Variants in PPP2R5A observed in about 807,000 individuals in gnomAD.
PPP2R5A encodes the protein protein phosphatase 2 regulatory subunit B'alpha.
PPP2R5A carries 25 observed loss-of-function variants against 64.2 expected under a neutral mutation model. The observed-to-expected ratio is 0.39, with a 90% confidence interval of 0.28 to 0.54. The LOEUF (loss-of-function observed/expected upper bound fraction) is 0.54, where lower values mean the gene tolerates loss of function less well. Among genes scored for constraint, PPP2R5A ranks in the 20% least tolerant of loss-of-function variants. The probability of loss-of-function intolerance (pLI) is 0.67; values close to 1 mark genes in which losing one functional copy is unlikely to be tolerated. For missense variants in PPP2R5A, 425 were observed against 576.3 expected (o/e 0.74, Z 2.69); for synonymous variants, 198 against 201.2 (o/e 0.98, Z 0.13).
chr1:212,285,478 A>C lies in PPP2R5A; in HGVS notation c.-633A>C, dbSNP rs2102407105. 2 of 152,702 alleles carry C rather than the reference A, an allele frequency of 1.3e-5. No homozygotes were observed. Among genetic ancestry groups the C allele is most frequent in the Middle Eastern group, 3.4e-3 (1 of 296 alleles). 9.5% of individuals were successfully genotyped at this position (152,702 alleles called of 1,614,324 possible). A position where few individuals can be genotyped will look rare whatever the true frequency, so the allele number is the denominator to read the frequency against. ...GCCTGGGGTTCTCCGTGGGCGGCCGACGGGCGCGTGGGGGAGGGGGTTCGG... is the reference window on the plus strand; with the variant it reads ...GCCTGGGGTTCTCCGTGGGCGGCCGCCGGGCGCGTGGGGGAGGGGGTTCGG... On this transcript the variant is annotated 5_prime_UTR_variant, in exon 1 of 13. Transcript: ENST00000261461.
intron 3 of PPP2R5A, among the ~76,000 whole-genome samples, chr1:212,337,873 G>A (rs1393318028): frequency 6.6e-6 from 1 of 151,812 alleles, no homozygotes; most frequent in African/African-American, 2.4e-5. Flanking sequence ...GTTCTTTTTG[G>A]GTGCTTAATA....
intron 1 of PPP2R5A, among the ~76,000 whole-genome samples, chr1:212,322,256 AGAGGGAGAG>A (rs1284005922): frequency 3.0e-5 from 3 of 100,082 alleles, no homozygotes; most frequent in African/African-American, 1.5e-4. Context: ...AGGGAGAGGG[AGAGGGAGAG>A]GAGGGAGAGG....
chr1:212,358,948 C>G lies in PPP2R5A; in HGVS notation c.1328+161C>G, dbSNP rs966883945. Among the ~76,000 whole-genome samples, 31 of 152,114 alleles carry G rather than the reference C, an allele frequency of 2.0e-4. No individual in the cohort carries two copies. Among genetic ancestry groups the G allele is most frequent in the Non-Finnish European group, 2.9e-5 (2 of 68,014 alleles). On this transcript the variant is annotated intron_variant, in intron 12 of 12. Transcript: ENST00000261461. The stretch of plus-strand genomic sequence containing the variant: ...TGTGAAAGTCTCTTAACATATAAGT[C>G]ATTTCCAGATAAACTAGCCCCAGTA...
chr1:212,319,038 C>CA (rs1659210760), intron 1 of PPP2R5A, among the ~76,000 whole-genome samples: 1 of 152,154 alleles, frequency 6.6e-6, no homozygotes, highest in South Asian at 2.1e-4. Flanking sequence ...CTTAAATACT[C>CA]ATCTCTTATT....
At chr1:212,320,090 C>G (rs532714797) in intron 1 of PPP2R5A, among the ~76,000 whole-genome samples, 2 of 151,390 alleles carry the variant, frequency 1.3e-5, no homozygotes, top group African/African-American at 4.9e-5. Context: ...GAGGACCCTG[C>G]GGCCTTCCGC....
intron 1 of PPP2R5A, among the ~76,000 whole-genome samples, chr1:212,326,460 G>T (rs1659409408): frequency 6.6e-6 from 1 of 152,002 alleles, no homozygotes; most frequent in Non-Finnish European, 1.5e-5. Flanking sequence ...AGCTGGGCGT[G>T]GTGGTGCAGG....
At chr1:212,335,809 A>T (rs1021144393) in intron 3 of PPP2R5A, among the ~76,000 whole-genome samples, 1 of 152,372 alleles carries the variant, frequency 6.6e-6, no homozygotes, top group South Asian at 2.1e-4. Context: ...ACATATTCTC[A>T]TTAGCTGATA....
intron 2 of PPP2R5A, 23 bp downstream of exon 2, chr1:212,329,354 C>A: frequency 6.8e-7 from 1 of 1,470,650 alleles, no homozygotes; most frequent in Non-Finnish European, 9.1e-7. Context: ...AATTATGTTC[C>A]TCAGATTTAT....
intron 1 of PPP2R5A, among the ~76,000 whole-genome samples, chr1:212,294,247 CAT>C (rs1658652639): frequency 1.3e-5 from 2 of 152,112 alleles, no homozygotes; most frequent in Admixed American, 6.5e-5. Context: ...TATTTGAACT[CAT>C]TGTTAATCCC....
rs748934935 is a variant in PPP2R5A, at chr1:212,360,797, T to C, written c.*27T>C. On this transcript the variant is annotated 3_prime_UTR_variant, in exon 13 of 13. Coordinates refer to ENST00000261461, the MANE Select transcript of PPP2R5A (RefSeq NM_006243.4). ...AAAAAAGCCTCCCACCTCTGCCGGA[T>C]AGGCAGAGTTTTGTATGCTTTTTTG... The C allele has an allele frequency of 9.3e-6, 14 of 1,497,562 alleles. No individual in the cohort carries two copies. In the South Asian group the frequency reaches 1.4e-4, roughly 15 times the overall value. The allele number at this position is 1,497,562 out of a possible 1,614,324, so 92.8% of individuals were successfully genotyped here.
At chr1:212,353,229 C>T (rs1157115855) in intron 8 of PPP2R5A, among the ~76,000 whole-genome samples, 1 of 152,230 alleles carries the variant, frequency 6.6e-6, no homozygotes, top group African/African-American at 2.4e-5. Context: ...CCTTGTCACC[C>T]AGGCTTCTCC....
chr1:212,351,952 ATTTT>A (rs898548766), intron 8 of PPP2R5A, among the ~76,000 whole-genome samples: 1 of 147,816 alleles, frequency 6.8e-6, no homozygotes, highest in African/African-American at 2.5e-5. Flanking sequence ...CCCCAAAATA[ATTTT>A]TTTATTTTTC....
At chr1:212,333,151 C>T (rs911580554) in intron 2 of PPP2R5A, among the ~76,000 whole-genome samples, 1 of 152,140 alleles carries the variant, frequency 6.6e-6, no homozygotes, top group African/African-American at 2.4e-5. Context: ...AGTCTGCCCC[C>T]CTCGGCCTCC....
chr1:212,310,217 G>T (rs986322388), intron 1 of PPP2R5A, among the ~76,000 whole-genome samples: 1 of 151,912 alleles, frequency 6.6e-6, no homozygotes, highest in Non-Finnish European at 1.5e-5. Flanking sequence ...TCAAATCCAG[G>T]CTCCTTTGAA....
In PPP2R5A at chr1:212,361,453, A is replaced by C. The variant is rs1660082112; in HGVS notation, c.*683A>C. ...CTCCAGAGTGGTAACAGATGGGTAG[A>C]GGCAGCTCAGGTGAATTACCCAGCT... On this transcript the variant is annotated 3_prime_UTR_variant, in exon 13 of 13. Transcript: ENST00000261461. 6.5e-6 allele frequency: 1 copy of C among 152,684 alleles called. No homozygotes were observed. The highest frequency in any genetic ancestry group is 2.1e-4 in the South Asian group (1 of 4,828). 9.5% of individuals were successfully genotyped at this position (152,684 alleles called of 1,614,324 possible).
intron 1 of PPP2R5A, among the ~76,000 whole-genome samples, chr1:212,307,524 C>T (rs142919349): frequency 6.6e-6 from 1 of 152,198 alleles, no homozygotes; most frequent in African/African-American, 2.4e-5. Flanking sequence ...CCACCTCCTC[C>T]TTTGTGCTGT....
intron 1 of PPP2R5A, among the ~76,000 whole-genome samples, chr1:212,321,344 C>G (rs759514987): frequency 2.1e-5 from 3 of 142,066 alleles, no homozygotes; most frequent in African/African-American, 5.3e-5. Flanking sequence ...CCCTTCCGGA[C>G]GGGGCGGCTG....
chr1:212,329,411 A>C lies in PPP2R5A; in HGVS notation c.378+80A>C, dbSNP rs568278307. ...TAATAATGAATTGAGACTGATTTTAAATAAATGTACAATAATTAATACATC... is the reference window on the plus strand; with the variant it reads ...TAATAATGAATTGAGACTGATTTTACATAAATGTACAATAATTAATACATC... On this transcript the variant is annotated intron_variant, in intron 2 of 12. Coordinates refer to ENST00000261461, the MANE Select transcript of PPP2R5A (RefSeq NM_006243.4). 5.7e-6 allele frequency: 7 copies of C among 1,219,038 alleles called. No homozygotes were observed. The African/African-American group carries it at 1.1e-4, about 19-fold the overall frequency. 75.5% of individuals were successfully genotyped at this position (1,219,038 alleles called of 1,614,324 possible). A position where few individuals can be genotyped will look rare whatever the true frequency, so the allele number is the denominator to read the frequency against.
At position 212,311,860 on chromosome 1, in the gene PPP2R5A, TAAA is replaced by T. The variant is rs1659040216; in HGVS notation, c.182-17271_182-17269del. 2.0e-5 allele frequency among the ~76,000 whole-genome samples: 3 copies of T among 152,068 alleles called. No homozygotes were observed. In the South Asian group the frequency reaches 6.2e-4, roughly 32 times the overall value. On this transcript the variant is annotated intron_variant, in intron 1 of 12. Coordinates refer to ENST00000261461, the MANE Select transcript of PPP2R5A (RefSeq NM_006243.4). ...TTTAAGCTATGTTATTGCAAAAGAG[TAAA>T]AAAGTTAAAATTTTAAAGTTTATAT...
Sources: allele counts gnomAD v4.1 joint callset (sites outside exome capture counted in the v4.1 genomes callset), GRCh38; gene constraint gnomAD v4.1.1; transcripts MANE v1.5; gene names NCBI Gene and HGNC (gene_info 2026-07-23, HGNC 2026-07-21).